The following TECPR1 variants were observed in gnomAD, a reference collection of about 807,000 sequenced individuals.
TECPR1 encodes tectonin beta-propeller repeat containing 1, also known as tectonin beta-propeller repeat-containing protein 1.
Under a neutral mutation model 162.4 loss-of-function variants are expected in TECPR1, and 122 were observed. That is an observed-to-expected ratio of 0.75 (90% CI 0.65 to 0.87). The LOEUF is 0.87. Among genes scored for constraint, TECPR1 ranks in the 40% least tolerant of loss-of-function variants. The pLI, the probability that TECPR1 is intolerant of heterozygous loss-of-function variation, is 0.00. For synonymous variants in TECPR1, 642 were observed against 670.6 expected, an observed-to-expected ratio of 0.96 and a Z score of 0.66; for missense variants, 1,432 against 1,618.2, an observed-to-expected ratio of 0.88 and a Z score of 1.97.
At chr7:98,233,089 G>A in intron 11 of TECPR1, 117 bp from the exon 12 acceptor site, 2 of 1,255,438 alleles carry the variant, frequency 1.6e-6, no homozygotes, top group Non-Finnish European at 2.1e-6. Flanking sequence ...TACGCTCTCT[G>A]TTAAGCCTCC....
Position 98,232,536 on chromosome 7 carries a change from G to A in TECPR1, c.1818+291C>T, listed in dbSNP as rs1303348504. Among the ~76,000 whole-genome samples the A allele has an allele frequency of 6.6e-6, 1 of 151,842 alleles. No individual in the cohort carries two copies. Among genetic ancestry groups the A allele is most frequent in the African/African-American group, 2.4e-5 (1 of 41,334 alleles). On this transcript the variant is annotated intron_variant, in intron 12 of 25. Transcript: ENST00000447648. The surrounding 1 kb of genome is among the most constrained non-coding windows in gnomAD (Gnocchi z 4.6). ...TTCCCTCCAGCAGGAAGAGGATGAC[G>A]TGGTTCCCCTCCCTGGCCACCCTCC...
intron 5 of TECPR1, among the ~76,000 whole-genome samples, chr7:98,244,220 G>A (rs1465140349): frequency 1.3e-5 from 2 of 152,258 alleles, no homozygotes; most frequent in African/African-American, 4.8e-5. Flanking sequence ...TAAGCTGGGA[G>A]GTTCTTCTGG....
At chr7:98,228,395 C>T in intron 16 of TECPR1, 1 of 418,512 alleles carries the variant, frequency 2.4e-6, no homozygotes, top group East Asian at 4.7e-5. Context: ...CGCCTCTTCC[C>T]ACCTTGCCCT....
chr7:98,226,720 G>A, intron 17 of TECPR1: 1 of 1,146,852 alleles, frequency 8.7e-7, no homozygotes, highest in East Asian at 6.3e-5. Flanking sequence ...GGCTTCGGGA[G>A]TTCAGGAGTT....
At chr7:98,218,599 T>G (rs1292354650) in intron 23 of TECPR1, among the ~76,000 whole-genome samples, 2 of 152,112 alleles carry the variant, frequency 1.3e-5, no homozygotes, top group African/African-American at 4.8e-5. Flanking sequence ...AGAATCAAAT[T>G]AACCCCTTTT....
At position 98,250,562 on chromosome 7, in the gene TECPR1, C is replaced by T. The variant is rs183762941; in HGVS notation, c.-20+832G>A. Among the ~76,000 whole-genome samples the T allele has an allele frequency of 4.8e-3, 735 of 152,228 alleles. 3 individuals are homozygous for T. Among genetic ancestry groups the T allele is most frequent in the Middle Eastern group, 0.014 (4 of 294 alleles). Reference sequence around the variant, plus strand: ...CTGAGGCAGGAGGATCACTTGAGCCCAGGAGTTTGAGGCTACAGTGAGCTA... The same window carrying T: ...CTGAGGCAGGAGGATCACTTGAGCCTAGGAGTTTGAGGCTACAGTGAGCTA... On this transcript the variant is annotated intron_variant, in intron 2 of 25. Transcript: ENST00000447648.
At chr7:98,229,531 T>C (rs1306610797) in intron 15 of TECPR1, among the ~76,000 whole-genome samples, 1 of 152,154 alleles carries the variant, frequency 6.6e-6, no homozygotes, top group Non-Finnish European at 1.5e-5. Flanking sequence ...CTGGCCACAG[T>C]GGCAGGTGCA....
rs1584325179 is a variant in TECPR1, at chr7:98,223,553, G to A, written c.2747+109C>T. On this transcript the variant is annotated intron_variant, in intron 20 of 25. Coordinates refer to ENST00000447648, the MANE Select transcript of TECPR1 (RefSeq NM_015395.3). ...CCCCACTGCTTCTTCCCTTGGGACT[G>A]AGGTCAGAGGCCAGGAGATCTGGCC... 30 of 1,167,432 alleles carry A rather than the reference G, an allele frequency of 2.6e-5. No individual in the cohort carries two copies. In the East Asian group the frequency reaches 6.4e-4, roughly 25 times the overall value. The allele number at this position is 1,167,432 out of a possible 1,614,324, so 72.3% of individuals were successfully genotyped here.
chr7:98,228,929 C>A, intron 16 of TECPR1, 110 bp downstream of exon 16: 1 of 1,415,256 alleles, frequency 7.1e-7, no homozygotes, highest in Non-Finnish European at 9.4e-7. Context: ...CAGCTGTTAG[C>A]CGAGTGTGAA....
rs1403900140 is a variant in TECPR1, at chr7:98,238,536, C to T, written c.1008G>A (p.Thr336=). The T allele has an allele frequency of 2.5e-6, 4 of 1,570,474 alleles. No homozygotes were observed. The East Asian group carries it at 7.0e-5, about 28-fold the overall frequency. ...TSWIEMVGEM[T]MVNVGMNDQV... is the part of the protein sequence containing the mutation. ...GGTCGTTCATTCCCACGTTCACCAT[C>T]GTCATCTCACCAACCATCTCAATCC... is the stretch of plus-strand genomic sequence containing the variant. The change falls in exon 9 of 26, where the codon ACG becomes ACA. Residue 336 remains threonine (T), a synonymous_variant. Coordinates refer to ENST00000447648, the MANE Select transcript of TECPR1 (RefSeq NM_015395.3).
At position 98,216,445 on chromosome 7, in the gene TECPR1, T is replaced by C. The variant is rs1237569520; in HGVS notation, c.*945A>G. The C allele has an allele frequency of 6.6e-6, 1 of 152,330 alleles. No homozygotes were observed. The highest frequency in any genetic ancestry group is 2.4e-5 in the African/African-American group (1 of 41,544). The allele number at this position is 152,330 out of a possible 1,614,324, so 9.4% of individuals were successfully genotyped here. On this transcript the variant is annotated 3_prime_UTR_variant, in exon 26 of 26. Coordinates refer to ENST00000447648, the MANE Select transcript of TECPR1 (RefSeq NM_015395.3). ...CACACACGGACACTGCCTCCAGCCATGGGGCAGCCTCTCATCCTCTCCCAG... is the reference window on the plus strand; with the variant it reads ...CACACACGGACACTGCCTCCAGCCACGGGGCAGCCTCTCATCCTCTCCCAG...
rs1210809477 is a variant in TECPR1 at position 98,245,997 on chromosome 7, A to G, written c.150T>C (p.Cys50=). 1 of 1,605,580 alleles carries G rather than the reference A, an allele frequency of 6.2e-7. No individual in the cohort carries two copies. ...ATTQCCWGIA[C]DNQVYVYVCA... ...ACACATACACGTAGACCTGGTTGTC[A>G]CAGGCAATGCCCCAGCAGCACTGCG... The change falls in exon 3 of 26, where the codon TGT becomes TGC. Residue 50 remains cysteine, a synonymous_variant. Coordinates refer to ENST00000447648, the MANE Select transcript of TECPR1 (RefSeq NM_015395.3).
At chr7:98,233,029 G>A in intron 11 of TECPR1, 57 bp from the exon 12 acceptor site, 1 of 1,528,370 alleles carries the variant, frequency 6.5e-7, no homozygotes, top group South Asian at 1.2e-5. Flanking sequence ...AGCTGGGCAG[G>A]AAGCCACGGC....
rs1798498204 is a variant in TECPR1 at position 98,233,294 on chromosome 7, G to A, written c.1672+127C>T. On this transcript the variant is annotated intron_variant, in intron 11 of 25. Transcript: ENST00000447648. ...GCAATGCCTGGCTCAGAGCTGCTGA[G>A]CACAGTGAGGCGTCCAGGGAGGACA... 4 of 1,243,104 alleles carry A rather than the reference G, an allele frequency of 3.2e-6. No homozygotes were observed. In the African/African-American group the frequency reaches 4.6e-5, roughly 14 times the overall value. The allele number at this position is 1,243,104 out of a possible 1,614,324, so 77.0% of individuals were successfully genotyped here.
chr7:98,249,489 C>T (rs901611011), intron 2 of TECPR1, among the ~76,000 whole-genome samples: 1 of 152,112 alleles, frequency 6.6e-6, no homozygotes, highest in Non-Finnish European at 1.5e-5. Context: ...CCCTGGTGAC[C>T]CCTTCGTGCC....
At chr7:98,223,338 AG>A in intron 20 of TECPR1, among the ~76,000 whole-genome samples, 168 bp from the exon 21 acceptor site, 1 of 53,722 alleles carries the variant, frequency 1.9e-5, no homozygotes, top group Non-Finnish European at 3.7e-5. Flanking sequence ...AGGCCCAGCC[AG>A]GCCCCCACCC....
chr7:98,239,381 C>T (rs1798688803), intron 8 of TECPR1, among the ~76,000 whole-genome samples: 1 of 151,992 alleles, frequency 6.6e-6, no homozygotes, highest in Non-Finnish European at 1.5e-5. Flanking sequence ...TGAAACCCTG[C>T]CTCTACTAAA....
intron 16 of TECPR1, 30 bp downstream of exon 16, chr7:98,229,009 G>A (rs751983683): frequency 5.7e-6 from 9 of 1,591,224 alleles, no homozygotes; most frequent in Non-Finnish European, 6.0e-6. Context: ...CGCCCAGGAA[G>A]GCTCCGGGGG....
chr7:98,243,431 G>C (rs757164738), intron 6 of TECPR1, 36 bp downstream of exon 6: 1 of 1,609,690 alleles, frequency 6.2e-7, no homozygotes, highest in East Asian at 2.2e-5. Context: ...AGGTGGGATC[G>C]TGGGGAGCCA....
Sources: gnomAD v4.1 joint callset for allele counts (sites outside exome capture counted in the v4.1 genomes callset) on GRCh38, gnomAD v4.1.1 for gene constraint, Gnocchi (gnomAD v3.1) non-coding constraint, MANE v1.5 for transcripts, NCBI Gene and HGNC (gene_info 2026-07-23, HGNC 2026-07-21) for gene names.